The following HS6ST3 variants were observed in gnomAD, a reference collection of about 807,000 sequenced individuals.
The protein encoded by HS6ST3 is heparan sulfate 6-O-sulfotransferase 3.
In HS6ST3, 12 loss-of-function variants were observed where a neutral mutation model predicts 36.7. The observed-to-expected ratio is 0.33, with a 90% CI of 0.21 to 0.53. HS6ST3 has a LOEUF of 0.53. HS6ST3 is among the 20% of genes least tolerant of loss of function. The pLI, the probability that HS6ST3 is intolerant of heterozygous loss-of-function variation, is 0.95. For missense variants in HS6ST3, 584 were observed against 640.9 expected, an observed-to-expected ratio of 0.91 and a Z score of 0.96; for synonymous variants, 240 against 257.5, an observed-to-expected ratio of 0.93 and a Z score of 0.65.
chr13:96,791,853 A>T (rs1279252330), intron 1 of HS6ST3, among the ~76,000 whole-genome samples: 1 of 151,978 alleles, frequency 6.6e-6, no homozygotes, highest in African/African-American at 2.4e-5. Context: ...TTGCCTGTTT[A>T]CTTTTGATTA....
At chr13:96,207,883 G>A (rs1416100320) in intron 1 of HS6ST3, among the ~76,000 whole-genome samples, 1 of 152,034 alleles carries the variant, frequency 6.6e-6, no homozygotes, top group African/African-American at 2.4e-5. Flanking sequence ...ATGGATTCTG[G>A]GCTTAATACC....
intron 1 of HS6ST3, among the ~76,000 whole-genome samples, chr13:96,355,064 A>T (rs1233325852): frequency 1.3e-5 from 2 of 152,206 alleles, no homozygotes; most frequent in African/African-American, 4.8e-5. Context: ...GCAGATATAA[A>T]TGGTCAAATT....
chr13:96,125,934 C>G (rs971320176), intron 1 of HS6ST3, among the ~76,000 whole-genome samples: 1 of 152,030 alleles, frequency 6.6e-6, no homozygotes, highest in Non-Finnish European at 1.5e-5. Context: ...TCCCCACTCC[C>G]CCTACCCCAC....
In HS6ST3 at chr13:96,324,426, G is replaced by A. The variant is rs188247770; in HGVS notation, c.707+232857G>A. ...TGGAATCTGCTGTTAGGGCAGATAAGAGGAAAACTGACCCCTGACCATGTG... is the reference window on the plus strand; with the variant it reads ...TGGAATCTGCTGTTAGGGCAGATAAAAGGAAAACTGACCCCTGACCATGTG... On this transcript the variant is annotated intron_variant, in intron 1 of 1. Transcript: ENST00000376705. 2.6e-5 allele frequency among the ~76,000 whole-genome samples: 4 copies of A among 152,268 alleles called. No individual in the cohort carries two copies. In the East Asian group the frequency reaches 7.7e-4, roughly 29 times the overall value.
At chr13:96,711,518 T>C (rs888846486) in intron 1 of HS6ST3, among the ~76,000 whole-genome samples, 12 of 152,240 alleles carry the variant, frequency 7.9e-5, no homozygotes, top group Admixed American at 6.5e-5. Flanking sequence ...ATATAGGCGA[T>C]TGTGATACAA....
At chr13:96,308,732 A>T (rs1288626712) in intron 1 of HS6ST3, among the ~76,000 whole-genome samples, 1 of 152,054 alleles carries the variant, frequency 6.6e-6, no homozygotes, top group African/African-American at 2.4e-5. Flanking sequence ...TGTTTGGTTA[A>T]GATTAGCTTG....
chr13:96,716,420 C>G (rs773077333), intron 1 of HS6ST3, among the ~76,000 whole-genome samples: 1 of 152,056 alleles, frequency 6.6e-6, no homozygotes, highest in Non-Finnish European at 1.5e-5. Flanking sequence ...GAATAACAAC[C>G]AAGAGTGCAA....
intron 1 of HS6ST3, among the ~76,000 whole-genome samples, chr13:96,696,428 T>C (rs970482933): frequency 3.3e-5 from 5 of 152,206 alleles, no homozygotes; most frequent in Non-Finnish European, 7.3e-5. Context: ...CCTGGCCAAG[T>C]TGACACTTAA....
intron 1 of HS6ST3, among the ~76,000 whole-genome samples, chr13:96,827,404 C>G (rs185973304): frequency 1.3e-5 from 2 of 152,096 alleles, no homozygotes; most frequent in African/African-American, 2.4e-5. Context: ...TGGAATTAAA[C>G]GGAACAGAAG....
chr13:96,615,310 A>G (rs2056470339), intron 1 of HS6ST3, among the ~76,000 whole-genome samples: 1 of 152,234 alleles, frequency 6.6e-6, no homozygotes, highest in Non-Finnish European at 1.5e-5. Flanking sequence ...AATTCCATGT[A>G]CATATCCCTG....
chr13:96,791,300 T>C (rs2138520462), intron 1 of HS6ST3, among the ~76,000 whole-genome samples: 1 of 152,174 alleles, frequency 6.6e-6, no homozygotes, highest in East Asian at 1.9e-4. Flanking sequence ...GCATGCTAAT[T>C]TTCCGTTCTT....
chr13:96,333,693 G>A (rs554060057), intron 1 of HS6ST3, among the ~76,000 whole-genome samples: 1 of 152,286 alleles, frequency 6.6e-6, no homozygotes, highest in South Asian at 2.1e-4. Context: ...GTAAGATGTG[G>A]ATTTGGGGGT....
intron 1 of HS6ST3, among the ~76,000 whole-genome samples, chr13:96,596,280 GT>G (rs2056401221): frequency 6.6e-6 from 1 of 152,034 alleles, no homozygotes; most frequent in African/African-American, 2.4e-5. Context: ...CATTATTTTG[GT>G]TTTTTATGGC....
intron 1 of HS6ST3, among the ~76,000 whole-genome samples, chr13:96,180,937 G>A (rs536074307): frequency 7.2e-5 from 11 of 152,220 alleles, no homozygotes; most frequent in Non-Finnish European, 1.6e-4. Flanking sequence ...TAGGGAATAA[G>A]AATGTTTGAC....
intron 1 of HS6ST3, among the ~76,000 whole-genome samples, chr13:96,813,235 T>C (rs1878355863): frequency 6.6e-6 from 1 of 152,188 alleles, no homozygotes. Flanking sequence ...CAGAAAATGT[T>C]AAAAACACAG....
At chr13:96,170,882 A>G (rs1443174530) in intron 1 of HS6ST3, among the ~76,000 whole-genome samples, 4 of 152,380 alleles carry the variant, frequency 2.6e-5, no homozygotes, top group African/African-American at 9.6e-5. Flanking sequence ...TTCTGGAAGT[A>G]GGAATGCCAG....
intron 1 of HS6ST3, among the ~76,000 whole-genome samples, chr13:96,180,407 C>T (rs1187839526): frequency 6.6e-6 from 1 of 152,106 alleles, no homozygotes; most frequent in Non-Finnish European, 1.5e-5. Context: ...AAATCTTCCA[C>T]CTCAATTCCA....
Position 96,576,975 on chromosome 13 carries a change from T to G in HS6ST3, c.708-255515T>G, listed in dbSNP as rs199593300. On this transcript the variant is annotated intron_variant, in intron 1 of 1. Coordinates refer to ENST00000376705, the MANE Select transcript of HS6ST3 (RefSeq NM_153456.4). Reference sequence around the variant, plus strand: ...AAAAAAAAAAAAAAAAAAAAAAAAGTTGCTCTATTTATCTTTCCCAATGTA... The same window carrying G: ...AAAAAAAAAAAAAAAAAAAAAAAAGGTGCTCTATTTATCTTTCCCAATGTA... Among the ~76,000 whole-genome samples the G allele has an allele frequency of 4.5e-4, 62 of 136,562 alleles. No homozygotes were observed. In the East Asian group the frequency reaches 0.012, roughly 27 times the overall value. The allele number at this position is 136,562 out of a possible 152,430, so 89.6% of individuals were successfully genotyped here.
intron 1 of HS6ST3, among the ~76,000 whole-genome samples, chr13:96,668,734 G>T (rs2056673364): frequency 1.8e-5 from 1 of 54,478 alleles, no homozygotes; most frequent in Non-Finnish European, 3.5e-5. Context: ...TTTGTATCAG[G>T]TACATTTGTT....
Sources: gnomAD v4.1 joint callset for allele counts (sites outside exome capture counted in the v4.1 genomes callset) on GRCh38, gnomAD v4.1.1 for gene constraint, MANE v1.5 for transcripts, NCBI Gene and HGNC (gene_info 2026-07-23, HGNC 2026-07-21) for gene names.